The following TXLNB variants were observed in gnomAD, a reference collection of about 807,000 sequenced individuals.
The protein encoded by TXLNB is beta-taxilin.
TXLNB carries 37 observed loss-of-function variants against 57.4 expected under a neutral mutation model. The ratio of observed to expected loss-of-function variants is 0.64; its 90% CI spans 0.50 to 0.85. TXLNB has a LOEUF of 0.85. Ranked by LOEUF, TXLNB falls within the 40% of genes least tolerant of loss-of-function variation. TXLNB has a pLI of 0.00. For missense variants in TXLNB, 848 were observed against 825.6 expected, an observed-to-expected ratio of 1.03 and a Z score of -0.33; for synonymous variants, 302 against 309.6, an observed-to-expected ratio of 0.98 and a Z score of 0.26.
At position 139,247,868 on chromosome 6, in the gene TXLNB, T is replaced by C; in HGVS notation, c.1119A>G (p.Thr373=). 1 of 1,609,406 alleles carries C rather than the reference T, an allele frequency of 6.2e-7. No homozygotes were observed. Among genetic ancestry groups the C allele is most frequent in the South Asian group, 1.1e-5 (1 of 90,122 alleles). ...CAAACACCTCGTTGCTTTTAGTTAGTGTGCTCTGGAATTCTTCAAACCTTC... is the reference window on the plus strand; with the variant it reads ...CAAACACCTCGTTGCTTTTAGTTAGCGTGCTCTGGAATTCTTCAAACCTTC... The part of the protein sequence containing the change: ...YSGRFEEFQS[T]LTKSNEVFAT... The change falls in exon 8 of 10, where the codon ACA becomes ACG. Residue 373 remains threonine, a synonymous_variant. Transcript: ENST00000358430.
At chr6:139,311,726 C>T in the TXLNB span, among the ~76,000 whole-genome samples, 1 of 152,166 alleles carries the variant, frequency 6.6e-6, no homozygotes, top group African/African-American at 2.4e-5. Context: ...AGGACCGCGT[C>T]GTCTGCAGCT....
chr6:139,289,414 C>T (rs1301519376), intron 1 of TXLNB, among the ~76,000 whole-genome samples: 1 of 152,208 alleles, frequency 6.6e-6, no homozygotes, highest in East Asian at 1.9e-4. Flanking sequence ...GAAATGCTCA[C>T]TCAGGGAGCT....
In TXLNB at chr6:139,240,676, C is replaced by A. The variant is rs1355962263; in HGVS notation, c.*1850G>T. ...TACCCTGTGGTTATAATATTTTAAG[C>A]CTTTAAAAATATACAGATTCTCAAA... On this transcript the variant is annotated 3_prime_UTR_variant, in exon 10 of 10. Transcript: ENST00000358430. 1.3e-5 allele frequency: 2 copies of A among 152,628 alleles called. No homozygotes were observed. Among genetic ancestry groups the A allele is most frequent in the Non-Finnish European group, 2.9e-5 (2 of 68,036 alleles). The allele number at this position is 152,628 out of a possible 1,614,324, so 9.5% of individuals were successfully genotyped here.
the TXLNB span, among the ~76,000 whole-genome samples, chr6:139,306,957 T>C: frequency 6.6e-6 from 1 of 152,264 alleles, no homozygotes; most frequent in Non-Finnish European, 1.5e-5. Context: ...TCTGTGCTTA[T>C]GTAGTTGCTA....
At chr6:139,300,978 T>C in the TXLNB span, among the ~76,000 whole-genome samples, 1 of 152,200 alleles carries the variant, frequency 6.6e-6, no homozygotes, top group Admixed American at 6.5e-5. Flanking sequence ...TCTTCTATTC[T>C]TCTTTAAACT....
intron 3 of TXLNB, among the ~76,000 whole-genome samples, chr6:139,273,993 A>T (rs764400187): frequency 1.1e-4 from 17 of 152,196 alleles, no homozygotes; most frequent in Non-Finnish European, 2.2e-4. Flanking sequence ...AGGCATATAG[A>T]ATTTCTGTCT....
the TXLNB span, among the ~76,000 whole-genome samples, chr6:139,315,303 T>C: frequency 1.3e-5 from 2 of 152,288 alleles, no homozygotes; most frequent in Non-Finnish European, 2.9e-5. Context: ...ATTTGAGTAA[T>C]AATAAAACTC....
At chr6:139,248,734 G>A (rs1430656576) in intron 7 of TXLNB, among the ~76,000 whole-genome samples, 3 of 152,140 alleles carry the variant, frequency 2.0e-5, no homozygotes, top group Non-Finnish European at 1.5e-5. Context: ...CGGAGAAGGT[G>A]AGCATGGCAG....
the TXLNB span, among the ~76,000 whole-genome samples, chr6:139,187,334 T>C: frequency 2.0e-5 from 3 of 152,206 alleles, no homozygotes; most frequent in Non-Finnish European, 2.9e-5. Context: ...TATTTGGTTC[T>C]CTTTAAAGTG....
rs553092113 is a variant in TXLNB at position 139,241,452 on chromosome 6, T to C, written c.*1074A>G. On this transcript the variant is annotated 3_prime_UTR_variant, in exon 10 of 10. Coordinates refer to ENST00000358430, the MANE Select transcript of TXLNB (RefSeq NM_153235.4). ...ACAGCAAGAGATGAATATTATGTCT[T>C]GAGACATTGGTAGTGCAAGAGGCAG... The C allele has an allele frequency of 2.0e-5, 3 of 152,334 alleles. No individual in the cohort carries two copies. In the South Asian group the frequency reaches 6.2e-4, roughly 32 times the overall value. The allele number at this position is 152,334 out of a possible 1,614,324, so 9.4% of individuals were successfully genotyped here.
At chr6:139,238,848 T>C (rs1288762408), downstream of TXLNB, among the ~76,000 whole-genome samples, 1 of 152,210 alleles carries the variant, frequency 6.6e-6, no homozygotes, top group Non-Finnish European at 1.5e-5. Flanking sequence ...TTCTTTACAT[T>C]TTAAATTATT....
At chr6:139,295,103 T>A (rs192855655), upstream of TXLNB, among the ~76,000 whole-genome samples, 99 of 152,314 alleles carry the variant, frequency 6.5e-4, 1 homozygote, top group Middle Eastern at 0.014. Context: ...ATTAAAGTAG[T>A]GCTAATTGGC....
In TXLNB at chr6:139,242,650, A is replaced by G. The variant is rs199698532; in HGVS notation, c.1931T>C (p.Met644Thr). The change falls in exon 10 of 10, where the codon ATG becomes ACG. Residue 644 changes from methionine to threonine, a missense_variant. Transcript: ENST00000358430. ...ACAAEEHVAA[M>T]VPACEPSRQP... ...CCTACTGGGCTCGCATGCAGGCACC[A>G]TGGCTGCAACGTGCTCTTCTGCTGC... 49 of 1,609,228 alleles carry G rather than the reference A, an allele frequency of 3.0e-5. No homozygotes were observed. Among genetic ancestry groups the G allele is most frequent in the Admixed American group, 1.9e-4 (11 of 59,276 alleles).
At chr6:139,183,946 ATTTATCT>A in the TXLNB span, among the ~76,000 whole-genome samples, 1 of 152,130 alleles carries the variant, frequency 6.6e-6, no homozygotes, top group African/African-American at 2.4e-5. Context: ...GACTAGGGTC[ATTTATCT>A]TTTAAAGAAT....
chr6:139,276,737 A>C (rs1776905552), intron 3 of TXLNB, 93 bp downstream of exon 3: 1 of 919,682 alleles, frequency 1.1e-6, no homozygotes, highest in Admixed American at 2.5e-5. Flanking sequence ...TTTACAATTC[A>C]TTCTCGGATT....
the TXLNB span, among the ~76,000 whole-genome samples, chr6:139,207,031 G>C: frequency 1.5e-3 from 232 of 152,232 alleles, no homozygotes; most frequent in African/African-American, 5.4e-3. Flanking sequence ...CAAAATAATA[G>C]TGCGGGACTT....
downstream of TXLNB, chr6:139,239,159 C>T (rs1393746769): frequency 2.0e-5 from 3 of 152,288 alleles, no homozygotes; most frequent in Non-Finnish European, 4.4e-5. The surrounding 1 kb of genome is among the most constrained non-coding windows in gnomAD (Gnocchi z 4.7). Flanking sequence ...AAGCCCCTCC[C>T]AGGTCAGTGT....
chr6:139,183,059 A>T, the TXLNB span: 1 of 152,370 alleles, frequency 6.6e-6, no homozygotes, highest in East Asian at 1.9e-4. Flanking sequence ...CAGTCATAGA[A>T]TTTAGACGTG....
upstream of TXLNB, among the ~76,000 whole-genome samples, chr6:139,296,576 C>T (rs928913923): frequency 1.3e-5 from 2 of 151,976 alleles, no homozygotes; most frequent in Admixed American, 1.3e-4. Context: ...AATGTTTAAC[C>T]TCTTCTCTTT....
Sources: gnomAD v4.1 joint callset for allele counts (sites outside exome capture counted in the v4.1 genomes callset) on GRCh38, gnomAD v4.1.1 for gene constraint, Gnocchi (gnomAD v3.1) non-coding constraint, MANE v1.5 for transcripts, NCBI Gene and HGNC (gene_info 2026-07-23, HGNC 2026-07-21) for gene names.